Variants in EMSY observed in about 807,000 individuals in gnomAD.
EMSY encodes BRCA2-interacting transcriptional repressor EMSY.
Under a neutral mutation model 134.6 loss-of-function variants are expected in EMSY, and 26 were observed. That is an observed-to-expected ratio of 0.19 (90% CI 0.14 to 0.27). EMSY has a LOEUF of 0.27. Among genes scored for constraint, EMSY ranks in the 10% least tolerant of loss-of-function variants. The pLI is 1.00. For synonymous variants in EMSY, 579 were observed against 577.8 expected (o/e 1.00, Z -0.03); for missense variants, 1,305 against 1,611.4 (o/e 0.81, Z 3.26).
intron 6 of EMSY, chr11:76,460,732 C>G (rs1415824595): frequency 6.6e-6 from 1 of 152,002 alleles, no homozygotes; most frequent in African/African-American, 2.4e-5. Context: ...GTAATCCTAG[C>G]ACTTTGGGAG....
exon 21 of EMSY, chr11:76,550,166 AC>A (rs1951796811): frequency 6.4e-7 from 1 of 1,557,826 alleles, no homozygotes; most frequent in East Asian, 2.3e-5. Context: ...ACAATAGTGC[AC>A]TTTAAAACCT....
chr11:76,464,139 A>T, intron 7 of EMSY, 59 bp downstream of exon 8: 1 of 1,592,096 alleles, frequency 6.3e-7, no homozygotes, highest in Non-Finnish European at 8.6e-7. Context: ...TATGATTCAG[A>T]TTTAATAAAC....
At chr11:76,479,622 G>A (rs1455397052) in intron 8 of EMSY, among the ~76,000 whole-genome samples, 3 of 152,216 alleles carry the variant, frequency 2.0e-5, no homozygotes, top group Admixed American at 6.5e-5. Flanking sequence ...ACACAAAGAA[G>A]CACTTATGTT....
At chr11:76,539,752 T>C in intron 17 of EMSY, 112 bp downstream of exon 18, 1 of 1,019,730 alleles carries the variant, frequency 9.8e-7, no homozygotes. Flanking sequence ...AAAGGTAAGC[T>C]CCACTTAGTG....
At chr11:76,542,025 C>G in intron 17 of EMSY, 191 bp from the exon 19 acceptor site, 1 of 667,242 alleles carries the variant, frequency 1.5e-6, no homozygotes, top group East Asian at 2.7e-5. Flanking sequence ...GAAACAGTCT[C>G]AGAGAAGATA....
intron 12 of EMSY, among the ~76,000 whole-genome samples, chr11:76,524,928 G>C (rs1950791764): frequency 6.6e-6 from 1 of 152,172 alleles, no homozygotes; most frequent in Non-Finnish European, 1.5e-5. Context: ...TGAGGTGGAG[G>C]ATCACTTGAG....
At chr11:76,545,473 T>A (rs1951610044) in intron 19 of EMSY, among the ~76,000 whole-genome samples, 1 of 152,186 alleles carries the variant, frequency 6.6e-6, no homozygotes, top group African/African-American at 2.4e-5. Context: ...GAAGATTATA[T>A]GAAATAATTT....
rs968148434 is a variant in EMSY at position 76,463,237 on chromosome 11, C to T, written c.572-584C>T. On this transcript the variant is annotated intron_variant, in intron 6 of 20. Transcript: ENST00000334736. ...GAGGCTGAGGCTGAGGCAGGAGAAT[C>T]GCTTGAACCTGGGAGGCAGAGGTTG... Among the ~76,000 whole-genome samples the T allele has an allele frequency of 4.0e-5, 6 of 151,224 alleles. No homozygotes were observed. In the East Asian group the frequency reaches 7.9e-4, roughly 20 times the overall value.
At chr11:76,458,793 G>A (rs562940830) in intron 5 of EMSY, 3 of 153,060 alleles carry the variant, frequency 2.0e-5, no homozygotes, top group Admixed American at 6.5e-5. Context: ...GTTAATGAAT[G>A]TGCTGAATCC....
At chr11:76,506,573 G>A (rs1471689116) in intron 9 of EMSY, among the ~76,000 whole-genome samples, 1 of 152,098 alleles carries the variant, frequency 6.6e-6, no homozygotes, top group East Asian at 1.9e-4. Flanking sequence ...CACACAAAAA[G>A]TGAATTACAA....
intron 1 of EMSY, among the ~76,000 whole-genome samples, chr11:76,446,141 G>A (rs1340984358): frequency 1.3e-5 from 2 of 151,954 alleles, no homozygotes; most frequent in African/African-American, 4.8e-5. Context: ...GCTCTACTCT[G>A]TGCTAAGCAG....
At chr11:76,490,403 C>G (rs1485951134) in intron 8 of EMSY, among the ~76,000 whole-genome samples, 1 of 152,096 alleles carries the variant, frequency 6.6e-6, no homozygotes, top group Admixed American at 6.5e-5. Context: ...AAAAATGTCT[C>G]CAGTGATTGT....
chr11:76,530,038 G>T (rs944816046), intron 14 of EMSY, among the ~76,000 whole-genome samples: 5 of 151,898 alleles, frequency 3.3e-5, no homozygotes, highest in Non-Finnish European at 4.4e-5. Flanking sequence ...ATGAACAGTA[G>T]AAGTCTGTAT....
intron 8 of EMSY, among the ~76,000 whole-genome samples, chr11:76,491,187 T>C (rs1490627835): frequency 1.5e-4 from 22 of 150,456 alleles, no homozygotes; most frequent in Non-Finnish European, 2.5e-4. Context: ...CTTTTTTTTT[T>C]TTTTTTTTAA....
intron 8 of EMSY, among the ~76,000 whole-genome samples, chr11:76,475,053 C>T (rs1398946036): frequency 6.6e-6 from 1 of 152,132 alleles, no homozygotes; most frequent in Non-Finnish European, 1.5e-5. Context: ...TGTGCACCAC[C>T]ATGCCCGGCC....
At chr11:76,481,537 T>C (rs546553392) in intron 8 of EMSY, among the ~76,000 whole-genome samples, 4 of 152,284 alleles carry the variant, frequency 2.6e-5, no homozygotes, top group Admixed American at 6.5e-5. Flanking sequence ...GAAGTTAACC[T>C]GGGATGCTCA....
intron 8 of EMSY, among the ~76,000 whole-genome samples, chr11:76,477,759 G>A (rs939416290): frequency 5.3e-5 from 8 of 152,116 alleles, no homozygotes; most frequent in Non-Finnish European, 2.9e-5. Context: ...ACTAGAAGCT[G>A]TAATTAGCTT....
intron 9 of EMSY, among the ~76,000 whole-genome samples, chr11:76,507,299 A>G (rs562918963): frequency 1.3e-5 from 2 of 152,136 alleles, no homozygotes; most frequent in African/African-American, 2.4e-5. Context: ...TGGTTACAGC[A>G]TTTTCTTAAA....
chr11:76,459,984 C>T (rs2135063793), exon 6 of EMSY: 1 of 1,614,242 alleles, frequency 6.2e-7, no homozygotes, highest in East Asian at 2.2e-5. Context: ...ACCTCTACCC[C>T]TGTTCCAAGT....
Sources: gnomAD v4.1 joint callset for allele counts (sites outside exome capture counted in the v4.1 genomes callset) on GRCh38, gnomAD v4.1.1 for gene constraint, MANE v1.5 for transcripts, NCBI Gene and HGNC (gene_info 2026-07-23, HGNC 2026-07-21) for gene names.